Variants in PDE6D observed in about 807,000 individuals in gnomAD.
PDE6D encodes the protein retinal rod rhodopsin-sensitive cGMP 3',5'-cyclic phosphodiesterase subunit delta.
In PDE6D, 10 loss-of-function variants were observed where a neutral mutation model predicts 21.9. That is an observed-to-expected ratio of 0.46 (90% CI 0.28 to 0.78). PDE6D has a LOEUF of 0.78. Ranked by LOEUF, PDE6D falls within the 30% of genes least tolerant of loss-of-function variation. PDE6D has a pLI of 0.12. For synonymous variants in PDE6D, 59 were observed against 63.5 expected (o/e 0.93, Z 0.34); for missense variants, 139 against 184.8 (o/e 0.75, Z 1.44).
chr2:231,770,451 G>T (rs2049005993), intron 1 of PDE6D, among the ~76,000 whole-genome samples: 1 of 152,106 alleles, frequency 6.6e-6, no homozygotes, highest in African/African-American at 2.4e-5. Flanking sequence ...GGAAAAAAAA[G>T]AATATAGGAG....
At chr2:231,749,537 CTG>C (rs1319800115) in intron 1 of PDE6D, among the ~76,000 whole-genome samples, 1 of 137,048 alleles carries the variant, frequency 7.3e-6, no homozygotes, top group East Asian at 2.1e-4. Flanking sequence ...GAGTCTCACT[CTG>C]TTTTATTTTT....
chr2:231,744,554 C>T (rs752757197), intron 1 of PDE6D, among the ~76,000 whole-genome samples: 5 of 151,998 alleles, frequency 3.3e-5, no homozygotes, highest in Non-Finnish European at 7.4e-5. Flanking sequence ...CTGCCTCAGC[C>T]TCCTGAGTAT....
intron 1 of PDE6D, among the ~76,000 whole-genome samples, chr2:231,777,880 A>G (rs983068448): frequency 2.0e-5 from 3 of 152,240 alleles, no homozygotes; most frequent in African/African-American, 7.2e-5. Context: ...CTAAACATTG[A>G]AAAGAGAAGA....
intron 1 of PDE6D, among the ~76,000 whole-genome samples, chr2:231,755,130 C>G (rs1415862235): frequency 2.6e-5 from 4 of 152,164 alleles, no homozygotes; most frequent in Non-Finnish European, 4.4e-5. Context: ...TGGAAGAAGG[C>G]TCTCACCAAA....
chr2:231,735,934 A>G (rs2048697145), intron 4 of PDE6D, among the ~76,000 whole-genome samples: 1 of 151,714 alleles, frequency 6.6e-6, no homozygotes, highest in African/African-American at 2.4e-5. Flanking sequence ...AGGCTGAGAC[A>G]GGAGAGTTGC....
At chr2:231,734,424 G>A (rs1415523481) in intron 4 of PDE6D, among the ~76,000 whole-genome samples, 1 of 142,984 alleles carries the variant, frequency 7.0e-6, no homozygotes, top group Non-Finnish European at 1.5e-5. Context: ...GCCTCGTGAA[G>A]AAGAAGTCAA....
intron 1 of PDE6D, among the ~76,000 whole-genome samples, chr2:231,747,398 C>A (rs114476785): frequency 2.0e-5 from 3 of 152,294 alleles, no homozygotes; most frequent in Admixed American, 1.3e-4. Context: ...ACCTATGATA[C>A]TTTAAAGAAT....
intron 1 of PDE6D, among the ~76,000 whole-genome samples, chr2:231,742,885 G>T (rs1358574226): frequency 1.3e-5 from 2 of 152,182 alleles, no homozygotes; most frequent in African/African-American, 4.8e-5. Flanking sequence ...TTTCGAGGGA[G>T]TTGGAAGTTC....
intron 1 of PDE6D, among the ~76,000 whole-genome samples, chr2:231,741,274 A>G (rs2048747456): frequency 6.6e-6 from 1 of 152,164 alleles, no homozygotes; most frequent in Non-Finnish European, 1.5e-5. Flanking sequence ...AAATCAGAAT[A>G]AATCAAATTC....
In PDE6D at chr2:231,739,314, G is replaced by A. The variant is rs764548875; in HGVS notation, c.51-126C>T. The A allele has an allele frequency of 7.9e-6, 6 of 757,954 alleles. No individual in the cohort carries two copies. In the Admixed American group the frequency reaches 1.0e-4, roughly 13 times the overall value. 47.0% of individuals were successfully genotyped at this position (757,954 alleles called of 1,614,324 possible). ...TAAAAAGTTTGTCAAACTGCTCATTGCCATGGAAGCACATAAGAATGTGAG... is the reference window on the plus strand; with the variant it reads ...TAAAAAGTTTGTCAAACTGCTCATTACCATGGAAGCACATAAGAATGTGAG... On this transcript the variant is annotated intron_variant, in intron 1 of 4. Coordinates refer to ENST00000287600, the MANE Select transcript of PDE6D (RefSeq NM_002601.4). This position sits in a 1 kb window ranked among gnomAD's most constrained non-coding sequence, Gnocchi z 4.2.
chr2:231,762,032 C>T (rs2048934249), intron 1 of PDE6D, among the ~76,000 whole-genome samples: 1 of 152,272 alleles, frequency 6.6e-6, no homozygotes, highest in Middle Eastern at 3.4e-3. Flanking sequence ...CTCAAATATA[C>T]CATGGAAATG....
At chr2:231,767,738 C>T (rs891496967) in intron 1 of PDE6D, among the ~76,000 whole-genome samples, 6 of 152,132 alleles carry the variant, frequency 3.9e-5, no homozygotes, top group African/African-American at 1.4e-4. Flanking sequence ...CTTTCTTAGG[C>T]CACCAGATTT....
chr2:231,756,889 AAAAAG>A (rs944934765), intron 1 of PDE6D, among the ~76,000 whole-genome samples: 15 of 152,188 alleles, frequency 9.9e-5, no homozygotes, highest in African/African-American at 3.6e-4. Context: ...CAAAAAAAAA[AAAAAG>A]ATAGTATTCA....
At chr2:231,755,920 C>CAA (rs201479123) in intron 1 of PDE6D, among the ~76,000 whole-genome samples, 25,411 of 140,210 alleles carry the variant, frequency 0.18, 2,594 homozygotes, top group Non-Finnish European at 0.24. Flanking sequence ...AACTCCATCT[C>CAA]AAAAAAAAAA....
chr2:231,779,412 C>G (rs1027751218), intron 1 of PDE6D: 5 of 152,192 alleles, frequency 3.3e-5, no homozygotes, highest in Non-Finnish European at 7.3e-5. Context: ...ATTAAAAAGG[C>G]CTTTCTTCTT....
At position 231,756,607 on chromosome 2, in the gene PDE6D, T is replaced by TC. The variant is rs1375966734; in HGVS notation, c.51-17420_51-17419insG. ...TGCAAACTACTAAACCTGGCTTTTT[T>TC]TTTTTTTTTTTTTGAGAGACAGGGT... On this transcript the variant is annotated intron_variant, in intron 1 of 4. Transcript: ENST00000287600. 5.2e-3 allele frequency among the ~76,000 whole-genome samples: 788 copies of TC among 150,208 alleles called. 10 individuals carry two copies. Among genetic ancestry groups the TC allele is most frequent in the African/African-American group, 0.018 (746 of 40,766 alleles).
intron 1 of PDE6D, among the ~76,000 whole-genome samples, chr2:231,762,338 G>GT (rs1559327728): frequency 1.6e-4 from 19 of 119,220 alleles, no homozygotes; most frequent in Admixed American, 4.4e-4. Context: ...AAGGACTAAC[G>GT]CTTTTTTTTT....
intron 1 of PDE6D, among the ~76,000 whole-genome samples, chr2:231,761,333 G>A (rs191152420): frequency 1.3e-5 from 2 of 152,102 alleles, no homozygotes; most frequent in East Asian, 1.9e-4. Context: ...CTGCCACCAC[G>A]CCCGGCTAAT....
At chr2:231,738,785 G>A (rs1428836055) in intron 2 of PDE6D, among the ~76,000 whole-genome samples, 2 of 151,672 alleles carry the variant, frequency 1.3e-5, no homozygotes, top group Admixed American at 6.6e-5. Context: ...ATGTGGTGGC[G>A]CACGCCTGTA....
Sources: allele counts gnomAD v4.1 joint callset (sites outside exome capture counted in the v4.1 genomes callset), GRCh38; gene constraint gnomAD v4.1.1; non-coding constraint Gnocchi (gnomAD v3.1); transcripts MANE v1.5; gene names NCBI Gene and HGNC (gene_info 2026-07-23, HGNC 2026-07-21).